ACVR1: variants seen among roughly 807,000 people sequenced by gnomAD.
ACVR1 encodes activin receptor type-1.
In ACVR1, 38 loss-of-function variants were observed where a neutral mutation model predicts 57.1. The observed-to-expected ratio is 0.67, with a 90% CI of 0.51 to 0.87. ACVR1 has a LOEUF of 0.87. ACVR1 is among the 40% of genes least tolerant of loss of function. ACVR1 has a pLI of 0.00. For missense variants in ACVR1, 463 were observed against 638.2 expected (o/e 0.73, Z 2.96); for synonymous variants, 212 against 228.1 (o/e 0.93, Z 0.63).
chr2:157,818,866 CAGG>C (rs1233649981), intron 1 of ACVR1, among the ~76,000 whole-genome samples: 2 of 151,822 alleles, frequency 1.3e-5, no homozygotes, highest in East Asian at 3.9e-4. Flanking sequence ...ATCACGAGGT[CAGG>C]AGATCGAGAC....
intron 1 of ACVR1, among the ~76,000 whole-genome samples, chr2:157,829,149 G>T (rs2105342287): frequency 6.6e-6 from 1 of 152,330 alleles, no homozygotes; most frequent in East Asian, 1.9e-4. Context: ...TGTACAAACA[G>T]AAGTACAGTA....
chr2:157,869,327 T>C (rs1003830443), intron 1 of ACVR1, among the ~76,000 whole-genome samples: 1 of 152,060 alleles, frequency 6.6e-6, no homozygotes, highest in Non-Finnish European at 1.5e-5. Context: ...ATGACAGAAA[T>C]CCACACAAAA....
intron 2 of ACVR1, among the ~76,000 whole-genome samples, chr2:157,811,746 C>CA (rs1687758072): frequency 6.6e-6 from 1 of 152,170 alleles, no homozygotes; most frequent in South Asian, 2.1e-4. Context: ...AAGAGCTAAT[C>CA]AGTGTTAAAT....
chr2:157,764,363 C>CT (rs113156681), intron 8 of ACVR1, among the ~76,000 whole-genome samples: 2,715 of 133,672 alleles, frequency 0.02, 56 homozygotes, highest in East Asian at 0.05. Flanking sequence ...TATTATTTTT[C>CT]TTTTTTTTTT....
In ACVR1 at chr2:157,737,338, A is replaced by G. The variant is rs1684571107; in HGVS notation, c.*193T>C. ...ACAGTTCGTGAAATGCCCAGTTCACAGTCATCGAGCGAGGTTAGGGTGGTT... is the reference window on the plus strand; with the variant it reads ...ACAGTTCGTGAAATGCCCAGTTCACGGTCATCGAGCGAGGTTAGGGTGGTT... On this transcript the variant is annotated 3_prime_UTR_variant, in exon 11 of 11. Coordinates refer to ENST00000434821, the MANE Select transcript of ACVR1 (RefSeq NM_001111067.4). 2.9e-6 allele frequency: 2 copies of G among 679,270 alleles called. No homozygotes were observed. The highest frequency in any genetic ancestry group is 5.2e-6 in the Non-Finnish European group (2 of 384,600). The allele number at this position is 679,270 out of a possible 1,614,324, so 42.1% of individuals were successfully genotyped here.
chr2:157,746,749 G>A (rs941800657), intron 9 of ACVR1, among the ~76,000 whole-genome samples: 2 of 152,216 alleles, frequency 1.3e-5, no homozygotes, highest in Non-Finnish European at 1.5e-5. Context: ...CTATCGATCC[G>A]AGTGAACCCC....
Position 157,780,618 on chromosome 2 carries a change from G to GA in ACVR1, c.68-19dup. 2 of 1,595,508 alleles carry GA rather than the reference G, an allele frequency of 1.3e-6. No homozygotes were observed. The highest frequency in any genetic ancestry group is 1.8e-5 in the Admixed American group (1 of 55,666). On this transcript the variant is annotated intron_variant, in intron 3 of 10. Coordinates refer to ENST00000434821, the MANE Select transcript of ACVR1 (RefSeq NM_001111067.4). ...CTTCTCATCTGCAAAGGAGAGAAAG[G>GA]AAGGGGAAAAAAAAAAAAAAGAGGA... is the stretch of plus-strand genomic sequence containing the variant.
chr2:157,791,801 T>C (rs946352985), intron 3 of ACVR1, among the ~76,000 whole-genome samples: 3 of 152,220 alleles, frequency 2.0e-5, no homozygotes, highest in African/African-American at 7.2e-5. Flanking sequence ...ATGTCAAACA[T>C]GATCCTAACC....
intron 1 of ACVR1, among the ~76,000 whole-genome samples, chr2:157,836,950 G>A (rs540867322): frequency 1.3e-5 from 2 of 152,186 alleles, no homozygotes; most frequent in Non-Finnish European, 2.9e-5. Flanking sequence ...TTCATATCAT[G>A]TGCTTCATTA....
chr2:157,833,257 C>A (rs765825177), intron 1 of ACVR1, among the ~76,000 whole-genome samples: 45 of 152,172 alleles, frequency 3.0e-4, no homozygotes, highest in Non-Finnish European at 5.4e-4. Flanking sequence ...CTTCCTGTAT[C>A]TTTGTATATC....
At chr2:157,754,186 G>A (rs1398010776) in intron 9 of ACVR1, among the ~76,000 whole-genome samples, 2 of 152,010 alleles carry the variant, frequency 1.3e-5, no homozygotes, top group African/African-American at 4.8e-5. Context: ...GCAACCTAAG[G>A]CCACACCTCA....
chr2:157,818,948 G>C (rs1483609529), intron 1 of ACVR1, among the ~76,000 whole-genome samples: 5 of 149,964 alleles, frequency 3.3e-5, no homozygotes, highest in African/African-American at 9.8e-5. Flanking sequence ...CGTAGTGGCG[G>C]GCGCCTGTAG....
chr2:157,848,715 T>A (rs1689204834), intron 1 of ACVR1, among the ~76,000 whole-genome samples: 1 of 152,002 alleles, frequency 6.6e-6, no homozygotes, highest in Non-Finnish European at 1.5e-5. Flanking sequence ...TGGAAAAGAG[T>A]CTGAAAGAAG....
At chr2:157,789,661 T>A (rs1394610666) in intron 3 of ACVR1, among the ~76,000 whole-genome samples, 1 of 152,126 alleles carries the variant, frequency 6.6e-6, no homozygotes, top group Non-Finnish European at 1.5e-5. Flanking sequence ...ATGGAAGAAA[T>A]CCCAAAAGGG....
chr2:157,843,949 A>C (rs1015563602), intron 1 of ACVR1, among the ~76,000 whole-genome samples: 3 of 152,212 alleles, frequency 2.0e-5, no homozygotes, highest in Admixed American at 2.0e-4. Flanking sequence ...GAAAAAGAAA[A>C]AAGGAGCTAT....
intron 1 of ACVR1, among the ~76,000 whole-genome samples, chr2:157,832,343 C>G (rs150364247): frequency 6.6e-6 from 1 of 152,066 alleles, no homozygotes; most frequent in Non-Finnish European, 1.5e-5. Context: ...CCAAAGGACA[C>G]GTGAGGTATC....
intron 8 of ACVR1, among the ~76,000 whole-genome samples, chr2:157,763,035 G>A (rs1685721861): frequency 6.6e-6 from 1 of 152,148 alleles, no homozygotes; most frequent in Non-Finnish European, 1.5e-5. Context: ...AATTTTACAG[G>A]TGATTTGTTC....
intron 8 of ACVR1, among the ~76,000 whole-genome samples, chr2:157,762,010 T>G (rs533911144): frequency 1.3e-5 from 2 of 152,220 alleles, no homozygotes; most frequent in Admixed American, 6.5e-5. Flanking sequence ...GACAATTTCA[T>G]ATAACATCAG....
chr2:157,784,980 T>G (rs1309978258), intron 3 of ACVR1, among the ~76,000 whole-genome samples: 1 of 152,248 alleles, frequency 6.6e-6, no homozygotes, highest in Non-Finnish European at 1.5e-5. Flanking sequence ...ACTGTGGACT[T>G]ACCTATTCAC....
Sources: gnomAD v4.1 joint callset for allele counts (sites outside exome capture counted in the v4.1 genomes callset) on GRCh38, gnomAD v4.1.1 for gene constraint, MANE v1.5 for transcripts, NCBI Gene and HGNC (gene_info 2026-07-23, HGNC 2026-07-21) for gene names.